CACNA2D3: variants seen among roughly 807,000 people sequenced by gnomAD.
CACNA2D3 encodes voltage-dependent calcium channel subunit alpha-2/delta-3.
A neutral mutation model predicts 160.6 loss-of-function variants in CACNA2D3; 60 were observed. The ratio of observed to expected loss-of-function variants is 0.37; its 90% CI spans 0.30 to 0.46. The LOEUF (loss-of-function observed/expected upper bound fraction) is 0.46. Ranked by LOEUF, CACNA2D3 falls within the 20% of genes least tolerant of loss-of-function variation. CACNA2D3 has a pLI of 1.00. For synonymous variants in CACNA2D3, 558 were observed against 492.9 expected (o/e 1.13, Z -1.75); for missense variants, 1,205 against 1,365.0 (o/e 0.88, Z 1.85).
chr3:54,175,028 A>G lies in CACNA2D3; in HGVS notation c.204+51434A>G, dbSNP rs568500188. ...TTTGAAGTGAGGCACGGCCAGCTCC[A>G]TCTGCACAGTTGGATTTGTACCTAT... is the stretch of plus-strand genomic sequence containing the variant. On this transcript the variant is annotated intron_variant, in intron 2 of 37. Transcript: ENST00000474759. Among the ~76,000 whole-genome samples, 7 of 152,274 alleles carry G rather than the reference A, an allele frequency of 4.6e-5. No individual in the cohort carries two copies. In the East Asian group the frequency reaches 1.4e-3, roughly 29 times the overall value.
At chr3:54,537,715 G>T (rs761987569) in intron 5 of CACNA2D3, among the ~76,000 whole-genome samples, 5 of 152,096 alleles carry the variant, frequency 3.3e-5, no homozygotes, top group Admixed American at 6.5e-5. Context: ...GTAGGGATTT[G>T]AACCTGGCTG....
At chr3:54,325,444 T>G (rs1704102574) in intron 3 of CACNA2D3, among the ~76,000 whole-genome samples, 1 of 152,212 alleles carries the variant, frequency 6.6e-6, no homozygotes, top group African/African-American at 2.4e-5. Context: ...TAGTGGATTT[T>G]GCCTTTGGTT....
chr3:54,763,814 T>TATATATAC (rs1559573805), intron 12 of CACNA2D3, among the ~76,000 whole-genome samples: 286 of 5,176 alleles, frequency 0.055, 63 homozygotes, highest in Middle Eastern at 0.2. Context: ...TATATATACA[T>TATATATAC]ATATATATAC....
intron 31 of CACNA2D3, among the ~76,000 whole-genome samples, chr3:54,999,758 CCTG>C (rs1362020383): frequency 6.6e-6 from 1 of 152,136 alleles, no homozygotes; most frequent in Non-Finnish European, 1.5e-5. Context: ...TAAAATGCAG[CCTG>C]CTAATTCTTA....
chr3:54,465,129 A>T (rs1471036257), intron 4 of CACNA2D3, among the ~76,000 whole-genome samples: 1 of 150,154 alleles, frequency 6.7e-6, no homozygotes, highest in Non-Finnish European at 1.5e-5. Flanking sequence ...TGCTTCATCT[A>T]GTCTGTCGTT....
intron 3 of CACNA2D3, among the ~76,000 whole-genome samples, chr3:54,338,721 AT>A (rs911870923): frequency 6.6e-5 from 10 of 152,054 alleles, no homozygotes; most frequent in African/African-American, 2.4e-4. Flanking sequence ...CTGCCTCTTG[AT>A]CGCTTTGTGA....
At chr3:55,021,958 A>G (rs1254151401) in intron 35 of CACNA2D3, among the ~76,000 whole-genome samples, 4 of 151,986 alleles carry the variant, frequency 2.6e-5, no homozygotes, top group African/African-American at 9.7e-5. Context: ...TTTGAAAGCA[A>G]GTTACATTCT....
intron 13 of CACNA2D3, among the ~76,000 whole-genome samples, chr3:54,794,522 G>A (rs1430370590): frequency 1.3e-5 from 2 of 151,114 alleles, no homozygotes; most frequent in African/African-American, 4.9e-5. Flanking sequence ...GCTTCCAATT[G>A]GAATAATTTT....
chr3:54,928,101 C>T, intron 27 of CACNA2D3: 4 of 582,536 alleles, frequency 6.9e-6, no homozygotes, highest in Non-Finnish European at 9.1e-6. Flanking sequence ...GCAGCCCTTC[C>T]CCTTGTCTCC....
intron 13 of CACNA2D3, among the ~76,000 whole-genome samples, chr3:54,809,105 T>C (rs766553032): frequency 6.6e-6 from 1 of 152,064 alleles, no homozygotes; most frequent in African/African-American, 2.4e-5. Context: ...CAGGTTCTTA[T>C]GGCTACTAAG....
At chr3:54,161,141 C>A (rs914822775) in intron 2 of CACNA2D3, among the ~76,000 whole-genome samples, 29 of 152,280 alleles carry the variant, frequency 1.9e-4, no homozygotes, top group African/African-American at 6.0e-4. Flanking sequence ...TCCCTTCACA[C>A]ACGTAAAAGC....
intron 27 of CACNA2D3, among the ~76,000 whole-genome samples, chr3:54,954,229 C>T (rs1387973006): frequency 1.3e-5 from 2 of 152,184 alleles, no homozygotes; most frequent in African/African-American, 2.4e-5. Context: ...CTCCTCATTC[C>T]AAGGGAAGGT....
intron 16 of CACNA2D3, among the ~76,000 whole-genome samples, chr3:54,839,296 C>G (rs1035673600): frequency 6.6e-6 from 1 of 152,054 alleles, no homozygotes; most frequent in Non-Finnish European, 1.5e-5. Flanking sequence ...GTTCTTAGAC[C>G]CCATCCAGAA....
At chr3:54,890,656 T>G (rs946272072) in intron 24 of CACNA2D3, among the ~76,000 whole-genome samples, 10 of 152,210 alleles carry the variant, frequency 6.6e-5, no homozygotes, top group Middle Eastern at 3.4e-3. Flanking sequence ...AAAATGATAT[T>G]TAGTGAATTT....
At chr3:54,667,503 A>G (rs988252205) in intron 11 of CACNA2D3, among the ~76,000 whole-genome samples, 2 of 152,180 alleles carry the variant, frequency 1.3e-5, no homozygotes, top group African/African-American at 4.8e-5. Flanking sequence ...CAGAGACAAT[A>G]TCCCTACCAT....
chr3:54,534,759 C>A (rs1226167595), intron 5 of CACNA2D3, among the ~76,000 whole-genome samples: 1 of 148,296 alleles, frequency 6.7e-6, no homozygotes, highest in African/African-American at 2.5e-5. Flanking sequence ...GTTGTCTCTA[C>A]AAAAAAAAAA....
chr3:54,522,182 TA>T (rs1191459083), intron 5 of CACNA2D3, among the ~76,000 whole-genome samples: 3 of 152,144 alleles, frequency 2.0e-5, no homozygotes, highest in Non-Finnish European at 4.4e-5. Context: ...ATATGAGATA[TA>T]TTTTTTTTCA....
At chr3:55,062,205 A>G (rs6770391) in intron 35 of CACNA2D3, among the ~76,000 whole-genome samples, 3,349 of 151,944 alleles carry the variant, frequency 0.022, 135 homozygotes, top group African/African-American at 0.076. Flanking sequence ...CTGCAGCCTC[A>G]AAGTCCTGGG....
chr3:54,891,626 C>G (rs1700071061), intron 25 of CACNA2D3, among the ~76,000 whole-genome samples, 176 bp downstream of exon 25: 1 of 152,226 alleles, frequency 6.6e-6, no homozygotes, highest in Admixed American at 6.5e-5. Context: ...TGTGCTTTCA[C>G]CTGCCTGTTA....
Sources: gnomAD v4.1 joint callset for allele counts (sites outside exome capture counted in the v4.1 genomes callset) on GRCh38, gnomAD v4.1.1 for gene constraint, MANE v1.5 for transcripts, NCBI Gene and HGNC (gene_info 2026-07-23, HGNC 2026-07-21) for gene names.